Variants in TIGIT observed in about 807,000 individuals in gnomAD.
TIGIT encodes the protein T cell immunoreceptor with Ig and ITIM domains, also known as T-cell immunoreceptor with Ig and ITIM domains.
In TIGIT, 11 loss-of-function variants were observed where a neutral mutation model predicts 19.6. That is an observed-to-expected ratio of 0.56 (90% CI 0.35 to 0.93). The LOEUF (loss-of-function observed/expected upper bound fraction) is 0.93, where lower values mean the gene tolerates loss of function less well. Among genes scored for constraint, TIGIT ranks in the 40% least tolerant of loss-of-function variants. The probability of loss-of-function intolerance (pLI) is 0.01; values close to 1 mark genes in which losing one functional copy is unlikely to be tolerated. For missense variants in TIGIT, 295 were observed against 303.9 expected (o/e 0.97, Z 0.22); for synonymous variants, 130 against 125.5 (o/e 1.04, Z -0.24).
At chr3:114,295,107 T>G in intron 1 of TIGIT, 1 of 196,546 alleles carries the variant, frequency 5.1e-6, no homozygotes, top group Non-Finnish European at 1.1e-5. Flanking sequence ...ATACAGGCAG[T>G]GAATGTGAAA....
At position 114,308,070 on chromosome 3, in the gene TIGIT, A is replaced by C. The variant is rs374056654; in HGVS notation, c.674A>C (p.Tyr225Ser). The C allele has an allele frequency of 3.1e-6, 5 of 1,614,058 alleles. No individual in the cohort carries two copies. The highest frequency in any genetic ancestry group is 4.2e-6 in the Non-Finnish European group (5 of 1,180,030). ...GAGGACTGTGCCGAGCTGCATGACT[A>C]CTTCAATGTCCTGAGTTACAGAAGC... ...RGEDCAELHD[Y>S]FNVLSYRSLG... The change falls in exon 4 of 4, where the codon TAC (tyrosine) becomes TCC (serine). Residue 225 changes from tyrosine (Y) to serine (S), a missense_variant. Physicochemically the swap from Tyr to Ser is moderately radical, Grantham distance 144. Coordinates refer to ENST00000383671, the MANE Select transcript of TIGIT (RefSeq NM_173799.4).
chr3:114,294,614 T>C (rs2078441543), intron 1 of TIGIT, among the ~76,000 whole-genome samples: 1 of 152,220 alleles, frequency 6.6e-6, no homozygotes. Flanking sequence ...CAAATATTTC[T>C]GAGGGAGGGG....
In TIGIT at chr3:114,294,093, A is replaced by C. The variant is rs894398089; in HGVS notation, c.32A>C (p.Gln11Pro). Residue 11 changes from glutamine to proline, a missense_variant, in exon 1 of 4, where the codon CAG becomes CCG. Coordinates refer to ENST00000383671, the MANE Select transcript of TIGIT (RefSeq NM_173799.4). MRWCLLLIWA[Q>P]GLRQAPLASG... is the part of the protein sequence containing the mutation. ...TGGTGTCTCCTCCTGATCTGGGCCC[A>C]GGGGCTGAGGCAGGCTCCCCTCGCC... 6.4e-6 allele frequency: 10 copies of C among 1,555,050 alleles called. No homozygotes were observed. Among genetic ancestry groups the C allele is most frequent in the Non-Finnish European group, 7.8e-6 (9 of 1,148,372 alleles).
intron 3 of TIGIT, among the ~76,000 whole-genome samples, chr3:114,303,553 A>ATATATATACATATATATG (rs2078508185): frequency 1.3e-4 from 1 of 7,758 alleles, no homozygotes; most frequent in African/African-American, 2.2e-4. Context: ...ATATATATGT[A>ATATATATACATATATATG]TATATATATA....
rs1398330159 is a variant in TIGIT, at chr3:114,295,866, A to G, written c.383A>G (p.Glu128Gly). 5.0e-6 allele frequency: 8 copies of G among 1,598,554 alleles called. No individual in the cohort carries two copies. The South Asian group carries it at 6.7e-5, about 13-fold the overall frequency. Residue 128 changes from glutamate to glycine, a missense_variant, in exon 2 of 4, where the codon GAA becomes GGA. Coordinates refer to ENST00000383671, the MANE Select transcript of TIGIT (RefSeq NM_173799.4). ...YTGRIFLEVLESSVAEHGARF... is the reference protein window; with the variant it reads ...YTGRIFLEVLGSSVAEHGARF... ...GGGAGAATCTTCCTGGAGGTCCTAG[A>G]AAGCTCAGGTATTCCTGCTGGAGCA...
In TIGIT at chr3:114,303,628, T is replaced by C. The variant is rs13095354; in HGVS notation, c.498+3925T>C. ...ATATATATACATATATATGTATATA[T>C]ATACACACACACACACACACACACA... is the stretch of plus-strand genomic sequence containing the variant. On this transcript the variant is annotated intron_variant, in intron 3 of 3. Transcript: ENST00000383671. Among the ~76,000 whole-genome samples the C allele has an allele frequency of 4.1e-3, 284 of 69,058 alleles. 12 individuals are homozygous for C. Among genetic ancestry groups the C allele is most frequent in the South Asian group, 7.6e-3 (12 of 1,582 alleles). The allele number at this position is 69,058 out of a possible 152,430, so 45.3% of individuals were successfully genotyped here.
At position 114,299,608 on chromosome 3, in the gene TIGIT, G is replaced by GGT; in HGVS notation, c.405_406dup (p.Ala136ValfsTer29). The GGT allele has an allele frequency of 6.2e-7, 1 of 1,613,022 alleles. No individual in the cohort carries two copies. The highest frequency in any genetic ancestry group is 1.7e-5 in the Admixed American group (1 of 60,026). ...TGTCCTCCCTCTAGTGGCTGAGCACGGTGCCAGGTTCCAGATTCCATTGCT... is the reference window on the plus strand; with the variant it reads ...TGTCCTCCCTCTAGTGGCTGAGCACGGTGTGCCAGGTTCCAGATTCCATTGCT... On this transcript the variant is annotated frameshift_variant, in exon 3 of 4. Coordinates refer to ENST00000383671, the MANE Select transcript of TIGIT (RefSeq NM_173799.4). LOFTEE classifies it high-confidence loss of function.
At chr3:114,296,065 C>A in intron 2 of TIGIT, 191 bp downstream of exon 2, 2 of 563,822 alleles carry the variant, frequency 3.5e-6, no homozygotes, top group Non-Finnish European at 6.2e-6. Context: ...CAGAGCTAAA[C>A]AAGGGTAAGG....
chr3:114,299,552 C>T (rs1477609373), intron 2 of TIGIT, 45 bp from the exon 3 acceptor site: 3 of 1,460,992 alleles, frequency 2.1e-6, no homozygotes, highest in African/African-American at 1.4e-5. Flanking sequence ...AAATCAGCTT[C>T]ACTTCTGGCT....
intron 2 of TIGIT, among the ~76,000 whole-genome samples, chr3:114,299,196 A>T (rs1177344768): frequency 6.6e-6 from 1 of 152,202 alleles, no homozygotes; most frequent in Non-Finnish European, 1.5e-5. Flanking sequence ...TGTTAACTTT[A>T]TTTTAATTTT....
In TIGIT at chr3:114,295,575, G is replaced by A. The variant is rs759559781; in HGVS notation, c.92G>A (p.Gly31Glu). 2 of 1,614,036 alleles carry A rather than the reference G, an allele frequency of 1.2e-6. No homozygotes were observed. The highest frequency in any genetic ancestry group is 2.2e-5 in the East Asian group (1 of 44,876). The change falls in exon 2 of 4, where the codon GGG (glycine) becomes GAG (glutamate). Residue 31 changes from glycine to glutamate, a missense_variant. Gly to Glu is a moderately conservative substitution (Grantham distance 98). Transcript: ENST00000383671. ...ATGACAGGCACAATAGAAACAACGG[G>A]GAACATTTCTGCAGAGAAAGGTGGC... ...GMMTGTIETT[G>E]NISAEKGGSI...
At chr3:114,299,028 T>C (rs1020346565) in intron 2 of TIGIT, among the ~76,000 whole-genome samples, 4 of 152,222 alleles carry the variant, frequency 2.6e-5, no homozygotes, top group Non-Finnish European at 5.9e-5. Flanking sequence ...CAAATATTTA[T>C]ATTTACTGAG....
chr3:114,308,810 G>A lies in TIGIT; in HGVS notation c.*679G>A, dbSNP rs565604611. 1 of 152,496 alleles carries A rather than the reference G, an allele frequency of 6.6e-6. No individual in the cohort carries two copies. Among genetic ancestry groups the A allele is most frequent in the East Asian group, 1.9e-4 (1 of 5,188 alleles). 9.4% of individuals were successfully genotyped at this position (152,496 alleles called of 1,614,324 possible). A position where few individuals can be genotyped will look rare whatever the true frequency, so the allele number is the denominator to read the frequency against. ...CCTGGGAGCACCAAGGGGATGTTGAGGCTAGTCTGGGAGGAGCAGGAGTTT... is the reference window on the plus strand; with the variant it reads ...CCTGGGAGCACCAAGGGGATGTTGAAGCTAGTCTGGGAGGAGCAGGAGTTT... On this transcript the variant is annotated 3_prime_UTR_variant, in exon 4 of 4. Transcript: ENST00000383671.
chr3:114,307,318 G>A (rs2078541692), intron 3 of TIGIT, among the ~76,000 whole-genome samples: 1 of 152,198 alleles, frequency 6.6e-6, no homozygotes, highest in African/African-American at 2.4e-5. Context: ...TTTAGATAGA[G>A]ATTTGGGCAT....
chr3:114,296,203 A>G (rs2078452868), intron 2 of TIGIT, among the ~76,000 whole-genome samples: 1 of 152,228 alleles, frequency 6.6e-6, no homozygotes, highest in African/African-American at 2.4e-5. Context: ...AAAAGTTCCC[A>G]TTTATTGGTT....
intron 1 of TIGIT, 72 bp from the exon 2 acceptor site, chr3:114,295,473 T>C (rs757741634): frequency 1.4e-5 from 19 of 1,326,636 alleles, no homozygotes; most frequent in Non-Finnish European, 1.9e-5. Context: ...CAAAGGCCCT[T>C]AGAATTTTTC....
intron 3 of TIGIT, among the ~76,000 whole-genome samples, chr3:114,303,606 TATATACATATATATGTATATATATACAC>T (rs1560033678): frequency 4.7e-5 from 3 of 63,368 alleles, no homozygotes; most frequent in African/African-American, 1.3e-4. Flanking sequence ...TGTATATATA[TATATACATATATATGTATATATATACAC>T]ACACACACAC....
chr3:114,296,351 A>G (rs1027176199), intron 2 of TIGIT, among the ~76,000 whole-genome samples: 14 of 152,212 alleles, frequency 9.2e-5, no homozygotes, highest in African/African-American at 3.4e-4. Flanking sequence ...ATGCCCTCAT[A>G]TTTGTTATCC....
rs372967017 is a variant in TIGIT, at chr3:114,300,323, T to G, written c.498+620T>G. Among the ~76,000 whole-genome samples, 3 of 151,420 alleles carry G rather than the reference T, an allele frequency of 2.0e-5. No individual in the cohort carries two copies. In the East Asian group the frequency reaches 5.8e-4, roughly 29 times the overall value. On this transcript the variant is annotated intron_variant, in intron 3 of 3. Transcript: ENST00000383671. Reference sequence around the variant, plus strand: ...TGACTCTAGGAGTTCAAGGCTGCAGTGAGCTATGACTGCACTCCAGCGTGG... The same window carrying G: ...TGACTCTAGGAGTTCAAGGCTGCAGGGAGCTATGACTGCACTCCAGCGTGG...
Sources: allele counts gnomAD v4.1 joint callset (sites outside exome capture counted in the v4.1 genomes callset), GRCh38; gene constraint gnomAD v4.1.1; transcripts MANE v1.5; gene names NCBI Gene and HGNC (gene_info 2026-07-23, HGNC 2026-07-21).